Variants in TPO observed in about 807,000 individuals in gnomAD.
The protein encoded by TPO is thyroid peroxidase, also known as thyroid microsomal antigen.
A neutral mutation model predicts 96.9 loss-of-function variants in TPO; 78 were observed. The observed-to-expected ratio is 0.81, with a 90% CI of 0.67 to 0.97. The LOEUF (loss-of-function observed/expected upper bound fraction) is 0.97. Among genes scored for constraint, TPO ranks in the 50% least tolerant of loss-of-function variants. TPO has a pLI of 0.00. For synonymous variants in TPO, 547 were observed against 538.0 expected (o/e 1.02, Z -0.23); for missense variants, 1,252 against 1,274.8 (o/e 0.98, Z 0.27).
At chr2:1,514,340 T>A (rs11896517) in intron 14 of TPO, among the ~76,000 whole-genome samples, 1 of 152,016 alleles carries the variant, frequency 6.6e-6, no homozygotes, top group South Asian at 2.1e-4. Flanking sequence ...AAAAACACAG[T>A]GGGAATAATG....
At chr2:1,499,697 C>T (rs1672686570) in intron 13 of TPO, among the ~76,000 whole-genome samples, 1 of 152,178 alleles carries the variant, frequency 6.6e-6, no homozygotes, top group Non-Finnish European at 1.5e-5. Flanking sequence ...CACAAGACCC[C>T]ATGAGACTGT....
At chr2:1,452,958 T>C (rs1037222045) in intron 5 of TPO, among the ~76,000 whole-genome samples, 4 of 152,330 alleles carry the variant, frequency 2.6e-5, no homozygotes, top group South Asian at 2.1e-4. Context: ...CAAATACATT[T>C]TTGTCAGAAT....
At chr2:1,492,887 G>C (rs1263698205) in intron 10 of TPO, among the ~76,000 whole-genome samples, 2 of 152,168 alleles carry the variant, frequency 1.3e-5, no homozygotes, top group African/African-American at 4.8e-5. Context: ...GTGGGAGTGA[G>C]GGTCGCCCAT....
At chr2:1,419,398 C>T (rs1465416266) in intron 2 of TPO, among the ~76,000 whole-genome samples, 1 of 152,152 alleles carries the variant, frequency 6.6e-6, no homozygotes, top group Admixed American at 6.5e-5. Context: ...AGCTGGCCAC[C>T]CCAGCTCCCT....
intron 7 of TPO, among the ~76,000 whole-genome samples, chr2:1,475,447 G>A (rs1201024851): frequency 6.6e-6 from 1 of 150,590 alleles, no homozygotes; most frequent in Admixed American, 6.6e-5. Context: ...TTTTTGAGAC[G>A]GAATCTCGCT....
At chr2:1,460,730 G>A (rs1668349375) in intron 7 of TPO, among the ~76,000 whole-genome samples, 1 of 152,100 alleles carries the variant, frequency 6.6e-6, no homozygotes, top group Admixed American at 6.5e-5. Context: ...GAGGGATGTG[G>A]GGTGATTAGG....
intron 14 of TPO, among the ~76,000 whole-genome samples, chr2:1,504,584 C>T (rs1334765822): frequency 1.3e-5 from 2 of 152,204 alleles, no homozygotes; most frequent in Non-Finnish European, 2.9e-5. Flanking sequence ...CTTGTCCAGT[C>T]CCCCAGCTCT....
intron 15 of TPO, among the ~76,000 whole-genome samples, chr2:1,533,099 TCCACTGTGTGCAACCTCCCCAAATCCC>T (rs1678703578): frequency 2.6e-5 from 2 of 76,810 alleles, no homozygotes; most frequent in East Asian, 4.0e-4. Flanking sequence ...CTCAAATCTC[TCCACTGTGTGCAACCTCCCCAAATCCC>T]CCACTGTGTG....
chr2:1,534,666 C>T (rs533249300), intron 15 of TPO, among the ~76,000 whole-genome samples: 6 of 1,070 alleles, frequency 5.6e-3, no homozygotes, highest in African/African-American at 0.011. Flanking sequence ...CCCAAATACC[C>T]CCCCCACTCT....
intron 5 of TPO, chr2:1,439,012 T>G (rs1050952009): frequency 3.4e-6 from 2 of 583,998 alleles, no homozygotes; most frequent in African/African-American, 3.7e-5. Context: ...TGATGCTTCC[T>G]GATTCATAAA....
intron 15 of TPO, among the ~76,000 whole-genome samples, chr2:1,539,967 T>A (rs1680536532): frequency 6.6e-6 from 1 of 152,220 alleles, no homozygotes; most frequent in Admixed American, 6.5e-5. Flanking sequence ...AGCTGTTTTG[T>A]ACTTACAGTT....
At chr2:1,377,591 T>C (rs1159443045) in intron 1 of TPO, among the ~76,000 whole-genome samples, 1 of 152,188 alleles carries the variant, frequency 6.6e-6, no homozygotes, top group African/African-American at 2.4e-5. Flanking sequence ...GACCAGGCTG[T>C]GAGTCTGCCC....
intron 7 of TPO, among the ~76,000 whole-genome samples, chr2:1,467,255 C>T (rs1668987527): frequency 6.6e-6 from 1 of 152,050 alleles, no homozygotes; most frequent in Non-Finnish European, 1.5e-5. Flanking sequence ...AGGCATCCAC[C>T]ACCATGCCCA....
At chr2:1,528,500 G>A (rs1677162315) in intron 15 of TPO, among the ~76,000 whole-genome samples, 1 of 130,576 alleles carries the variant, frequency 7.7e-6, no homozygotes, top group South Asian at 2.4e-4. Flanking sequence ...CCCCCCTTCT[G>A]TGCAATTTCC....
chr2:1,459,986 A>G (rs1222500771), intron 7 of TPO, among the ~76,000 whole-genome samples: 1 of 147,276 alleles, frequency 6.8e-6, no homozygotes, highest in African/African-American at 2.5e-5. Context: ...CCCAGGCTGG[A>G]GTGTAGTGGC....
Position 1,542,578 on chromosome 2 carries a change from T to C in TPO, c.*104T>C, listed in dbSNP as rs750362721. ...TCCGAAATCAGCAGGACGACTGTTT[T>C]CCCAACACGGGTAAATCTAGTACCA... On this transcript the variant is annotated 3_prime_UTR_variant, in exon 17 of 17. Coordinates refer to ENST00000329066, the MANE Select transcript of TPO (RefSeq NM_001206744.2). 7 of 1,571,552 alleles carry C rather than the reference T, an allele frequency of 4.5e-6. No individual in the cohort carries two copies. Among genetic ancestry groups the C allele is most frequent in the Non-Finnish European group, 6.0e-6 (7 of 1,157,364 alleles).
intron 1 of TPO, among the ~76,000 whole-genome samples, chr2:1,376,306 G>A (rs902350315): frequency 6.6e-6 from 1 of 152,168 alleles, no homozygotes; most frequent in Non-Finnish European, 1.5e-5. Context: ...GCGTTGATGT[G>A]AACTGGATTG....
At chr2:1,429,503 A>G (rs1573144863) in intron 3 of TPO, among the ~76,000 whole-genome samples, 1 of 152,194 alleles carries the variant, frequency 6.6e-6, no homozygotes, top group African/African-American at 2.4e-5. Context: ...GAACTGTGTA[A>G]TGGCAGGGGT....
At chr2:1,434,185 A>G (rs1222539106) in intron 4 of TPO, among the ~76,000 whole-genome samples, 3 of 152,234 alleles carry the variant, frequency 2.0e-5, no homozygotes, top group African/African-American at 7.2e-5. Flanking sequence ...TGGGCATAAG[A>G]TACTGAGATG....
Sources: allele counts gnomAD v4.1 joint callset (sites outside exome capture counted in the v4.1 genomes callset), GRCh38; gene constraint gnomAD v4.1.1; transcripts MANE v1.5; gene names NCBI Gene and HGNC (gene_info 2026-07-23, HGNC 2026-07-21).